HDAC9: variants seen among roughly 807,000 people sequenced by gnomAD.
HDAC9 encodes the protein histone deacetylase 9, also known as MEF-2 interacting transcription repressor (MITR) protein.
A neutral mutation model predicts 139.4 loss-of-function variants in HDAC9; 41 were observed. The observed-to-expected ratio is 0.29, with a 90% CI of 0.23 to 0.38. The LOEUF is 0.38. HDAC9 is among the 10% of genes least tolerant of loss of function. The pLI is 1.00. For synonymous variants in HDAC9, 517 were observed against 476.2 expected, an observed-to-expected ratio of 1.09 and a Z score of -1.12; for missense variants, 1,147 against 1,297.0, an observed-to-expected ratio of 0.88 and a Z score of 1.78.
chr7:18,591,469 G>A, intron 4 of HDAC9, 47 bp from the exon 5 acceptor site: 1 of 1,478,888 alleles, frequency 6.8e-7, no homozygotes, highest in Middle Eastern at 1.8e-4. Context: ...CTGTTTCTGT[G>A]TGTGTATGTG....
chr7:18,345,608 A>G (rs111830968), intron 1 of HDAC9, among the ~76,000 whole-genome samples: 15 of 151,610 alleles, frequency 9.9e-5, no homozygotes, highest in South Asian at 4.2e-4. Flanking sequence ...TTCAAGGACA[A>G]TTTTTTGCCC....
chr7:18,668,733 C>A, intron 12 of HDAC9: 1 of 976,454 alleles, frequency 1.0e-6, no homozygotes, highest in Non-Finnish European at 1.2e-6. Context: ...ATAATTTACA[C>A]CCTTGAAGGT....
chr7:18,949,311 C>T (rs1782623465), intron 23 of HDAC9: 3 of 236,428 alleles, frequency 1.3e-5, no homozygotes, highest in Non-Finnish European at 2.5e-5. Flanking sequence ...TCTGTGGAAC[C>T]TCACTACCAC....
At chr7:18,492,271 G>GGGATTGTGTCTTTCA (rs1796427838), upstream of HDAC9, among the ~76,000 whole-genome samples, 1 of 151,910 alleles carries the variant, frequency 6.6e-6, no homozygotes, top group Non-Finnish European at 1.5e-5. Context: ...TATGGCATGT[G>GGGATTGTGTCTTTCA]GGATTGTGTC....
intron 1 of HDAC9, among the ~76,000 whole-genome samples, chr7:18,433,707 T>A (rs960661832): frequency 6.6e-6 from 1 of 152,038 alleles, no homozygotes; most frequent in Non-Finnish European, 1.5e-5. Flanking sequence ...GGAATACAAC[T>A]AACCAGGGAG....
At chr7:18,168,869 C>T (rs1584430709) in intron 2 of HDAC9, among the ~76,000 whole-genome samples, 1 of 127,294 alleles carries the variant, frequency 7.9e-6, no homozygotes, top group African/African-American at 3.2e-5. Context: ...TGAGGAGGTG[C>T]AAATGTCTTG....
chr7:18,642,548 A>G (rs996588086), intron 8 of HDAC9, among the ~76,000 whole-genome samples: 1 of 152,082 alleles, frequency 6.6e-6, no homozygotes, highest in African/African-American at 2.4e-5. Context: ...GTAGCTTGAG[A>G]GTGCCTGTGA....
chr7:18,938,603 A>T (rs1243268349), intron 23 of HDAC9, among the ~76,000 whole-genome samples: 1 of 151,970 alleles, frequency 6.6e-6, no homozygotes. Flanking sequence ...CTCAAAAAAA[A>T]TAATAATAAA....
Position 18,945,235 on chromosome 7 carries a change from G to A in HDAC9, c.2938-8911G>A, listed in dbSNP as rs571983071. Among the ~76,000 whole-genome samples the A allele has an allele frequency of 2.0e-5, 3 of 152,342 alleles. No individual in the cohort carries two copies. In the South Asian group the frequency reaches 6.2e-4, roughly 32 times the overall value. ...AAATCTTAGCCATTCTGTTGGAGGT[G>A]TAGTAGTATATCACCATGGTTTTGA... On this transcript the variant is annotated intron_variant, in intron 23 of 25. Coordinates refer to ENST00000686413, the MANE Select transcript of HDAC9 (RefSeq NM_178425.4).
chr7:18,986,683 T>C (rs1335883470), intron 25 of HDAC9, among the ~76,000 whole-genome samples: 8 of 152,332 alleles, frequency 5.3e-5, no homozygotes, highest in Admixed American at 1.3e-4. Flanking sequence ...TTTCAGAAGA[T>C]TGATTCTTCC....
chr7:18,135,486 T>C (rs1785330849), intron 1 of HDAC9, among the ~76,000 whole-genome samples: 2 of 128,422 alleles, frequency 1.6e-5, no homozygotes, highest in African/African-American at 5.9e-5. Flanking sequence ...CAGAGTGTGA[T>C]ATTCCCCTTC....
chr7:18,869,687 C>T (rs1008911396), intron 21 of HDAC9, among the ~76,000 whole-genome samples: 5 of 152,046 alleles, frequency 3.3e-5, no homozygotes, highest in Admixed American at 6.6e-5. Context: ...CACTGCTTGG[C>T]GTGTGGAGAA....
intron 21 of HDAC9, among the ~76,000 whole-genome samples, chr7:18,856,075 A>T (rs1797653263): frequency 6.6e-6 from 1 of 152,122 alleles, no homozygotes. Context: ...TCTTTGGAGC[A>T]GAGATTTAGT....
chr7:18,700,355 C>G (rs930027376), intron 12 of HDAC9, among the ~76,000 whole-genome samples: 1 of 152,160 alleles, frequency 6.6e-6, no homozygotes, highest in Non-Finnish European at 1.5e-5. Context: ...CCTCACTGCC[C>G]CCTGTGGCCT....
intron 2 of HDAC9, among the ~76,000 whole-genome samples, chr7:18,271,738 C>G (rs1293770513): frequency 1.3e-5 from 2 of 152,194 alleles, no homozygotes; most frequent in Non-Finnish European, 2.9e-5. Context: ...CCCATGCTTC[C>G]TTTGCAGCAG....
chr7:18,689,301 G>C (rs991585298), intron 12 of HDAC9, among the ~76,000 whole-genome samples: 1 of 151,400 alleles, frequency 6.6e-6, no homozygotes, highest in Admixed American at 6.6e-5. Flanking sequence ...GGGAGACAGA[G>C]AGAGATTTTA....
At chr7:18,209,919 C>A (rs1037164945) in intron 2 of HDAC9, among the ~76,000 whole-genome samples, 1 of 152,068 alleles carries the variant, frequency 6.6e-6, no homozygotes, top group Admixed American at 6.6e-5. Flanking sequence ...CCAGGATGGT[C>A]TCGATCTCCT....
chr7:18,820,986 G>C (rs895584401), intron 17 of HDAC9, among the ~76,000 whole-genome samples: 1 of 152,154 alleles, frequency 6.6e-6, no homozygotes, highest in African/African-American at 2.4e-5. Flanking sequence ...CACAGTTCTG[G>C]AGGCTGGGAT....
At chr7:18,958,786 G>A (rs1420637445) in intron 24 of HDAC9, among the ~76,000 whole-genome samples, 1 of 152,138 alleles carries the variant, frequency 6.6e-6, no homozygotes, top group Non-Finnish European at 1.5e-5. Context: ...GCACACTCAT[G>A]CAGAATGAGG....
Sources: allele counts gnomAD v4.1 joint callset (sites outside exome capture counted in the v4.1 genomes callset), GRCh38; gene constraint gnomAD v4.1.1; transcripts MANE v1.5; gene names NCBI Gene and HGNC (gene_info 2026-07-23, HGNC 2026-07-21).